Variants in RAB7A observed in about 807,000 individuals in gnomAD.
RAB7A encodes the protein RAB7A, member RAS oncogene family, also known as ras-related protein Rab-7a.
In RAB7A, 2 loss-of-function variants were observed where a neutral mutation model predicts 24.5. That is an observed-to-expected ratio of 0.08 (90% CI 0.03 to 0.26). The LOEUF (loss-of-function observed/expected upper bound fraction) is 0.26, where lower values mean the gene tolerates loss of function less well. Ranked by LOEUF, RAB7A falls within the 10% of genes least tolerant of loss-of-function variation. RAB7A has a pLI of 1.00. For missense variants in RAB7A, 118 were observed against 255.7 expected (o/e 0.46, Z 3.67); for synonymous variants, 100 against 95.9 (o/e 1.04, Z -0.25).
intron 1 of RAB7A, among the ~76,000 whole-genome samples, chr3:128,784,977 G>A (rs911265553): frequency 5.6e-5 from 8 of 142,790 alleles, no homozygotes; most frequent in Non-Finnish European, 1.2e-4. Flanking sequence ...AGACAGTCTC[G>A]CTCTGTCGCC....
chr3:128,742,624 G>T (rs2070566064), intron 1 of RAB7A, among the ~76,000 whole-genome samples: 1 of 152,136 alleles, frequency 6.6e-6, no homozygotes, highest in Non-Finnish European at 1.5e-5. Flanking sequence ...ACAGAGCACT[G>T]ATTGGTGCAT....
rs528505869 is a variant in RAB7A at position 128,802,962 on chromosome 3, G to A, written c.181-3410G>A. 2.6e-5 allele frequency among the ~76,000 whole-genome samples: 4 copies of A among 152,190 alleles called. No individual in the cohort carries two copies. In the South Asian group the frequency reaches 8.3e-4, roughly 32 times the overall value. ...TGGGATTACAGGCGCCTGCCACCAC[G>A]CTTGGCTAATTTTTTGTATTTATTT... is the stretch of plus-strand genomic sequence containing the variant. On this transcript the variant is annotated intron_variant, in intron 3 of 5. Coordinates refer to ENST00000265062, the MANE Select transcript of RAB7A (RefSeq NM_004637.6).
intron 1 of RAB7A, among the ~76,000 whole-genome samples, chr3:128,774,862 G>A (rs939567629): frequency 2.0e-5 from 3 of 152,048 alleles, no homozygotes; most frequent in African/African-American, 7.2e-5. Context: ...TTGAGCCACC[G>A]CACCTGGCCT....
At chr3:128,729,134 A>G (rs569301567) in intron 1 of RAB7A, among the ~76,000 whole-genome samples, 3 of 151,616 alleles carry the variant, frequency 2.0e-5, no homozygotes, top group Admixed American at 1.3e-4. Flanking sequence ...TTTTTTTAAA[A>G]TTTTTTTTTA....
intron 3 of RAB7A, among the ~76,000 whole-genome samples, chr3:128,805,064 A>G (rs1267185191): frequency 6.6e-6 from 1 of 152,208 alleles, no homozygotes; most frequent in Admixed American, 6.5e-5. Context: ...CTCCGCGCAT[A>G]TGACTAGAAC....
rs368008098 is a variant in RAB7A at position 128,806,607 on chromosome 3, A to C, written c.399+17A>C. On this transcript the variant is annotated intron_variant, in intron 4 of 5. Transcript: ENST00000265062. ...AACAGACAAGTAAGTACCAACGATG[A>C]TAGATATTGTCACAGACACCTGCTC... 6.9e-6 allele frequency: 11 copies of C among 1,604,788 alleles called. No individual in the cohort carries two copies. The African/African-American group carries it at 1.5e-4, about 21-fold the overall frequency.
chr3:128,769,366 A>C (rs2070863651), intron 1 of RAB7A, among the ~76,000 whole-genome samples: 1 of 152,166 alleles, frequency 6.6e-6, no homozygotes. Context: ...GTGTCTCATT[A>C]TGTTTTTAAT....
chr3:128,808,273 T>A (rs1014669528), intron 5 of RAB7A, among the ~76,000 whole-genome samples: 1 of 151,936 alleles, frequency 6.6e-6, no homozygotes, highest in African/African-American at 2.4e-5. Context: ...GGCAGGAGAA[T>A]TGCTTGAACC....
intron 1 of RAB7A, among the ~76,000 whole-genome samples, chr3:128,775,324 A>G (rs143958103): frequency 6.6e-6 from 1 of 152,184 alleles, no homozygotes; most frequent in African/African-American, 2.4e-5. Context: ...GTCTTGGTCA[A>G]CTGTAGTTCA....
At chr3:128,732,030 T>A in intron 1 of RAB7A, among the ~76,000 whole-genome samples, 1 of 148,716 alleles carries the variant, frequency 6.7e-6, no homozygotes. Context: ...GTCTCTTTCT[T>A]CCACTACCTT....
intron 1 of RAB7A, among the ~76,000 whole-genome samples, chr3:128,776,523 A>G (rs1253178597): frequency 6.6e-6 from 1 of 152,128 alleles, no homozygotes; most frequent in Non-Finnish European, 1.5e-5. Context: ...GGGCTCAAGC[A>G]ATCCTTCTGT....
intron 1 of RAB7A, among the ~76,000 whole-genome samples, chr3:128,791,658 C>T (rs545402631): frequency 6.6e-6 from 1 of 152,070 alleles, no homozygotes; most frequent in Admixed American, 6.6e-5. Context: ...TGGGAAAGAG[C>T]CATGGATAAG....
At chr3:128,804,142 T>G (rs1204870680) in intron 3 of RAB7A, among the ~76,000 whole-genome samples, 2 of 149,168 alleles carry the variant, frequency 1.3e-5, no homozygotes, top group African/African-American at 5.1e-5. Flanking sequence ...CATGTGCAGT[T>G]AGACTTCAAC....
intron 1 of RAB7A, among the ~76,000 whole-genome samples, chr3:128,737,338 CTTT>C (rs34916629): frequency 1.5e-3 from 138 of 90,036 alleles, no homozygotes; most frequent in African/African-American, 4.6e-3. Flanking sequence ...CGCTCCCGGC[CTTT>C]TTTTTTTTTT....
intron 1 of RAB7A, among the ~76,000 whole-genome samples, chr3:128,789,846 A>G (rs2107608558): frequency 6.8e-6 from 1 of 147,444 alleles, no homozygotes; most frequent in East Asian, 2.0e-4. Context: ...GCTAGAGTGC[A>G]GTGGTGTGAT....
At chr3:128,754,430 A>C (rs1317284141) in intron 1 of RAB7A, among the ~76,000 whole-genome samples, 1 of 152,232 alleles carries the variant, frequency 6.6e-6, no homozygotes, top group African/African-American at 2.4e-5. Context: ...ACACAAAAGG[A>C]AATGAAAAGG....
At chr3:128,799,302 C>T (rs560094014) in intron 3 of RAB7A, 23 of 151,444 alleles carry the variant, frequency 1.5e-4, no homozygotes, top group African/African-American at 5.4e-4. Flanking sequence ...CTCTTACAGA[C>T]TTGTGTTGGT....
At chr3:128,754,795 C>T (rs938657624) in intron 1 of RAB7A, among the ~76,000 whole-genome samples, 5 of 151,954 alleles carry the variant, frequency 3.3e-5, no homozygotes, top group African/African-American at 7.3e-5. Flanking sequence ...AAAAAGTTTA[C>T]GAGACAAAGC....
At chr3:128,763,610 A>G (rs2070795836) in intron 1 of RAB7A, among the ~76,000 whole-genome samples, 1 of 152,122 alleles carries the variant, frequency 6.6e-6, no homozygotes, top group South Asian at 2.1e-4. Context: ...TCATGGTATT[A>G]AGGTAGTCAC....
Sources: gnomAD v4.1 joint callset for allele counts (sites outside exome capture counted in the v4.1 genomes callset) on GRCh38, gnomAD v4.1.1 for gene constraint, MANE v1.5 for transcripts, NCBI Gene and HGNC (gene_info 2026-07-23, HGNC 2026-07-21) for gene names.